Variants in RBM41 observed in about 807,000 individuals in gnomAD.
The protein encoded by RBM41 is RNA binding motif protein 41.
In RBM41, 14 loss-of-function variants were observed where a neutral mutation model predicts 30.8. That is an observed-to-expected ratio of 0.45 (90% confidence interval 0.30 to 0.71). The LOEUF is 0.71. RBM41 is among the 30% of genes least tolerant of loss of function. RBM41 has a pLI of 0.08. For missense variants in RBM41, 276 were observed against 326.3 expected (o/e 0.85, Z 1.19); for synonymous variants, 120 against 110.1 (o/e 1.09, Z -0.56).
In RBM41 at chrX:107,088,719, G is replaced by C. The variant is rs1602579397; in HGVS notation, c.716C>G (p.Ser239Cys). 1 of 1,211,412 alleles carries C rather than the reference G, an allele frequency of 8.3e-7. No individual in the cohort carries two copies. The highest frequency in any genetic ancestry group is 3.0e-5 in the East Asian group (1 of 33,840). Residue 239 changes from serine to cysteine, a missense_variant, in exon 6 of 8, where the codon TCC becomes TGC. Coordinates refer to ENST00000685964, the MANE Select transcript of RBM41 (RefSeq NM_001324242.2). ...TGATGTAGCTGAGACCAGTGAGTGG[G>C]AAGCAAAGGGTTCACCTCTCATAAG... ...FQLMRGEPFA[S>C]HSLVSATSVG...
In RBM41 at chrX:107,074,992, C is replaced by T. The variant is rs1313448723; in HGVS notation, c.1000-5590G>A. On this transcript the variant is annotated intron_variant, in intron 6 of 7. Coordinates refer to ENST00000685964, the MANE Select transcript of RBM41 (RefSeq NM_001324242.2). ...AAAGAACAAAGCTAGAGGCCATACA[C>T]TTTCTTATTTCACAACATATTACAA... Among the ~76,000 whole-genome samples, 34 of 111,722 alleles carry T rather than the reference C, an allele frequency of 3.0e-4. No homozygotes were observed. In the Admixed American group the frequency reaches 3.2e-3, roughly 11 times the overall value.
chrX:107,070,520 C>G (rs1474536274), intron 6 of RBM41: 1 of 242,616 alleles, frequency 4.1e-6, no homozygotes, highest in Non-Finnish European at 7.6e-6. Context: ...TCAAAGTCAA[C>G]AAGTGCCATT....
chrX:107,081,053 T>C (rs763706063), intron 6 of RBM41, among the ~76,000 whole-genome samples: 1 of 112,034 alleles, frequency 8.9e-6, no homozygotes, highest in African/African-American at 3.2e-5. Flanking sequence ...GTTCCTTACA[T>C]ATATTGTACT....
In RBM41 at chrX:107,115,678, TAA is replaced by T. The variant is rs1924828858; in HGVS notation, c.319-124_319-123del. 8.0e-6 allele frequency: 7 copies of T among 872,082 alleles called. No homozygotes were observed. The South Asian group carries it at 1.8e-4, about 23-fold the overall frequency. 71.9% of individuals were successfully genotyped at this position (872,082 alleles called of 1,213,427 possible). A position where few individuals can be genotyped will look rare whatever the true frequency, so the allele number is the denominator to read the frequency against. On this transcript the variant is annotated intron_variant, in intron 3 of 7. Transcript: ENST00000685964. ...ATGAATGTTTACAGAAAGTGTTAGC[TAA>T]GAAGTTAAAGAACAGCTTCTCTTTT...
chrX:107,083,780 C>T (rs962305343), intron 6 of RBM41, among the ~76,000 whole-genome samples: 1 of 111,123 alleles, frequency 9.0e-6, no homozygotes, highest in Non-Finnish European at 1.9e-5. Flanking sequence ...TTTAGATTAG[C>T]CATCTGGTCT....
chrX:107,066,645 T>C lies in RBM41; in HGVS notation c.*882A>G. The C allele has an allele frequency of 1.5e-6, 1 of 682,005 alleles. No individual in the cohort carries two copies. The highest frequency in any genetic ancestry group is 1.7e-6 in the Non-Finnish European group (1 of 573,855). 56.2% of individuals were successfully genotyped at this position (682,005 alleles called of 1,213,427 possible). A position where few individuals can be genotyped will look rare whatever the true frequency, so the allele number is the denominator to read the frequency against. ...AATGTTAAGTGTGGCTGTACAGGTC[T>C]GACTCCAGTTTGTACTACTTCCTCT... On this transcript the variant is annotated 3_prime_UTR_variant, in exon 8 of 8. Coordinates refer to ENST00000685964, the MANE Select transcript of RBM41 (RefSeq NM_001324242.2).
intron 6 of RBM41, 77 bp downstream of exon 6, chrX:107,088,356 CTAA>C (rs1411264323): frequency 1.0e-6 from 1 of 957,325 alleles, no homozygotes; most frequent in East Asian, 3.1e-5. Flanking sequence ...ATAATCAAAG[CTAA>C]TTTAAAAGTA....
Position 107,066,753 on chromosome X carries a change from G to A in RBM41, c.*774C>T, listed in dbSNP as rs758369900. The stretch of plus-strand genomic sequence containing the variant: ...ACTGGCATCCTCTTTTCTAGAGAAC[G>A]CTTTATTTCCATTTCCGTTTGGCAT... On this transcript the variant is annotated 3_prime_UTR_variant, in exon 8 of 8. Transcript: ENST00000685964. The A allele has an allele frequency of 1.2e-4, 88 of 748,503 alleles. No homozygotes were observed. Among genetic ancestry groups the A allele is most frequent in the Admixed American group, 1.2e-3 (13 of 11,222 alleles). The allele number at this position is 748,503 out of a possible 1,213,427, so 61.7% of individuals were successfully genotyped here.
intron 4 of RBM41, chrX:107,115,040 T>C (rs1480076740): frequency 1.1e-4 from 27 of 245,658 alleles, no homozygotes; most frequent in Non-Finnish European, 2.9e-5. Flanking sequence ...CCCCTTTATT[T>C]ACCTGACAAA....
chrX:107,116,753 C>T lies in RBM41; in HGVS notation c.22G>A (p.Val8Met), dbSNP rs752801634. 1 of 1,208,454 alleles carries T rather than the reference C, an allele frequency of 8.3e-7. No homozygotes were observed. Among genetic ancestry groups the T allele is most frequent in the African/African-American group, 1.7e-5 (1 of 57,266 alleles). The change falls in exon 2 of 8, where the codon GTG becomes ATG. Residue 8 changes from valine to methionine, a missense_variant. Physicochemically the swap from Val to Met is conservative, Grantham distance 21. Transcript: ENST00000685964. MKRVNSC[V>M]KSDEHVLEEL... ...TCCAGGACATGCTCATCACTCTTCA[C>T]ACAGCTGTTTACCCTGGAGTAGACA...
intron 7 of RBM41, among the ~76,000 whole-genome samples, chrX:107,068,340 A>T (rs1152333): frequency 0.37 from 40,510 of 110,435 alleles, 8,097 homozygotes; most frequent in African/African-American, 0.77. Context: ...CATATATATA[A>T]GTACTACAAA....
In RBM41 at chrX:107,062,842, A is replaced by T. The variant is rs772598561; in HGVS notation, c.*4685T>A. On this transcript the variant is annotated 3_prime_UTR_variant, in exon 8 of 8. Transcript: ENST00000685964. ...TATACATAAATGAATGCTTTTGCAT[A>T]AAAATGTATTCATACTATACATATT... 8.9e-6 allele frequency among the ~76,000 whole-genome samples: 1 copy of T among 112,120 alleles called. No individual in the cohort carries two copies. The highest frequency in any genetic ancestry group is 1.9e-5 in the Non-Finnish European group (1 of 53,236).
At chrX:107,104,328 T>C (rs895105341) in intron 5 of RBM41, among the ~76,000 whole-genome samples, 3 of 110,760 alleles carry the variant, frequency 2.7e-5, no homozygotes, top group African/African-American at 9.9e-5. Flanking sequence ...TAAAGATGGA[T>C]TGATAGATGG....
intron 6 of RBM41, among the ~76,000 whole-genome samples, chrX:107,075,768 G>A (rs994229110): frequency 3.6e-5 from 4 of 111,797 alleles, no homozygotes; most frequent in African/African-American, 6.5e-5. Context: ...TGGAACCCTT[G>A]TGCACTGTTG....
chrX:107,095,683 T>C (rs1185757030), intron 5 of RBM41, among the ~76,000 whole-genome samples: 1 of 111,547 alleles, frequency 9.0e-6, no homozygotes, highest in Non-Finnish European at 1.9e-5. Flanking sequence ...AACAATTCTA[T>C]TCACAAGAAC....
intron 5 of RBM41, among the ~76,000 whole-genome samples, chrX:107,100,611 G>A (rs773039989): frequency 5.3e-4 from 59 of 112,099 alleles, no homozygotes; most frequent in Non-Finnish European, 9.2e-4. Context: ...ATCTGTTGTG[G>A]ACAAGGATGT....
chrX:107,072,238 TA>T (rs5903297), intron 6 of RBM41, among the ~76,000 whole-genome samples: 32,703 of 107,524 alleles, frequency 0.3, 4,796 homozygotes, highest in African/African-American at 0.54. Context: ...GAGAAAAACC[TA>T]AAAAAAAACC....
chrX:107,110,549 T>C (rs1924380477), intron 5 of RBM41, among the ~76,000 whole-genome samples: 1 of 111,191 alleles, frequency 9.0e-6, no homozygotes, highest in African/African-American at 3.2e-5. Flanking sequence ...ATGTAAGTCC[T>C]ACCAAAACGT....
chrX:107,098,388 T>C (rs1923162430), intron 5 of RBM41, among the ~76,000 whole-genome samples: 1 of 111,927 alleles, frequency 8.9e-6, no homozygotes, highest in Non-Finnish European at 1.9e-5. Context: ...ATTCTCCAGA[T>C]ACTAAAACAT....
Sources: gnomAD v4.1 joint callset for allele counts (sites outside exome capture counted in the v4.1 genomes callset) on GRCh38, gnomAD v4.1.1 for gene constraint, MANE v1.5 for transcripts, NCBI Gene and HGNC (gene_info 2026-07-23, HGNC 2026-07-21) for gene names.